Variants in MARCHF1 observed in about 807,000 individuals in gnomAD.
The protein encoded by MARCHF1 is E3 ubiquitin-protein ligase MARCHF1.
In MARCHF1, 40 loss-of-function variants were observed where a neutral mutation model predicts 54.2. The ratio of observed to expected loss-of-function variants is 0.74; its 90% CI spans 0.57 to 0.96. MARCHF1 has a LOEUF of 0.96. MARCHF1 is among the 40% of genes least tolerant of loss of function. The pLI, the probability that MARCHF1 is intolerant of heterozygous loss-of-function variation, is 0.00. For missense variants in MARCHF1, 586 were observed against 656.5 expected, an observed-to-expected ratio of 0.89 and a Z score of 1.17; for synonymous variants, 236 against 236.3, an observed-to-expected ratio of 1.00 and a Z score of 0.01.
chr4:163,665,906 G>A (rs1743516473), intron 5 of MARCHF1, among the ~76,000 whole-genome samples: 2 of 152,076 alleles, frequency 1.3e-5, no homozygotes, highest in Admixed American at 1.3e-4. Context: ...AGAGTTTTTG[G>A]ATGAATGCTG....
chr4:164,133,338 A>T (rs919572), intron 1 of MARCHF1, among the ~76,000 whole-genome samples: 126,974 of 152,158 alleles, frequency 0.83, 53,432 homozygotes, highest in Non-Finnish European at 0.89. Context: ...TTACTGCGCA[A>T]TGAATCCATG....
At chr4:163,663,670 T>C (rs573378943) in intron 5 of MARCHF1, among the ~76,000 whole-genome samples, 1 of 152,182 alleles carries the variant, frequency 6.6e-6, no homozygotes, top group South Asian at 2.1e-4. Flanking sequence ...AGGCCACGTC[T>C]CTCCTGGCGC....
At chr4:163,897,986 G>A (rs182266876) in intron 3 of MARCHF1, among the ~76,000 whole-genome samples, 2,794 of 149,090 alleles carry the variant, frequency 0.019, 82 homozygotes, top group African/African-American at 0.064. Context: ...GCACGAACCC[G>A]GGAGGCGGAG....
At chr4:163,917,327 C>A (rs1458556993) in intron 3 of MARCHF1, among the ~76,000 whole-genome samples, 2 of 152,132 alleles carry the variant, frequency 1.3e-5, no homozygotes, top group Non-Finnish European at 2.9e-5. Context: ...GTTAAACTCT[C>A]TTCCAACACA....
chr4:164,241,123 T>C (rs1732731554), intron 1 of MARCHF1, among the ~76,000 whole-genome samples: 2 of 152,028 alleles, frequency 1.3e-5, no homozygotes, highest in Non-Finnish European at 2.9e-5. Flanking sequence ...CCATGAATCG[T>C]ACCAAGGAAC....
intron 3 of MARCHF1, among the ~76,000 whole-genome samples, chr4:163,889,155 G>A (rs1337458727): frequency 6.6e-6 from 1 of 152,134 alleles, no homozygotes; most frequent in African/African-American, 2.4e-5. Context: ...GACCACAGTA[G>A]TTTATCACAT....
chr4:163,933,019 T>G, intron 3 of MARCHF1: 3 of 1,260,914 alleles, frequency 2.4e-6, no homozygotes, highest in Non-Finnish European at 3.4e-6. Context: ...CCAATCTGCC[T>G]GGGGCTTGCG....
intron 4 of MARCHF1, among the ~76,000 whole-genome samples, chr4:163,725,665 T>C (rs1400373656): frequency 2.0e-5 from 3 of 152,296 alleles, no homozygotes; most frequent in Non-Finnish European, 2.9e-5. Flanking sequence ...TAAGACAGTA[T>C]AGAACAGCAT....
chr4:163,960,456 T>C (rs932689531), intron 3 of MARCHF1, among the ~76,000 whole-genome samples: 1 of 151,958 alleles, frequency 6.6e-6, no homozygotes, highest in Non-Finnish European at 1.5e-5. Flanking sequence ...ACATTTACAT[T>C]ACGGAATACT....
At chr4:163,930,484 T>TG (rs1751647818) in intron 3 of MARCHF1, among the ~76,000 whole-genome samples, 1 of 151,462 alleles carries the variant, frequency 6.6e-6, no homozygotes, top group Admixed American at 6.6e-5. Flanking sequence ...TGGTGTTTTT[T>TG]TTTTTTTTTT....
At chr4:164,219,011 A>G (rs1159540472) in intron 1 of MARCHF1, among the ~76,000 whole-genome samples, 2 of 152,142 alleles carry the variant, frequency 1.3e-5, no homozygotes, top group Non-Finnish European at 2.9e-5. Flanking sequence ...CTGTTACTAC[A>G]ACAATTACTT....
chr4:163,526,428 C>T lies in MARCHF1; in HGVS notation c.*2320G>A, dbSNP rs181561888. On this transcript the variant is annotated 3_prime_UTR_variant, in exon 10 of 10. Transcript: ENST00000514618. ...TTGCTGGTGTCTGGATGTTTTTCCCCGGGAATATCTGTAAGCAGCATGTTG... is the reference window on the plus strand; with the variant it reads ...TTGCTGGTGTCTGGATGTTTTTCCCTGGGAATATCTGTAAGCAGCATGTTG... 1.3e-4 allele frequency: 19 copies of T among 151,982 alleles called. No individual in the cohort carries two copies. The South Asian group carries it at 1.7e-3, about 13-fold the overall frequency. The allele number at this position is 151,982 out of a possible 1,614,324, so 9.4% of individuals were successfully genotyped here.
intron 1 of MARCHF1, among the ~76,000 whole-genome samples, chr4:164,309,740 C>T (rs765170805): frequency 2.6e-4 from 40 of 152,104 alleles, no homozygotes; most frequent in Non-Finnish European, 7.4e-5. Context: ...TAGAATAAGA[C>T]ATTTTAATCT....
chr4:163,657,516 A>G (rs946808971), intron 5 of MARCHF1, among the ~76,000 whole-genome samples: 6 of 152,106 alleles, frequency 3.9e-5, no homozygotes, highest in African/African-American at 1.4e-4. Context: ...TGCTATTCCC[A>G]TTAAACTACC....
chr4:164,362,141 G>C (rs1174208732), intron 1 of MARCHF1, among the ~76,000 whole-genome samples: 2 of 152,054 alleles, frequency 1.3e-5, no homozygotes, highest in South Asian at 4.1e-4. Context: ...TGTAGTAAGT[G>C]AACAAATAAA....
At chr4:163,723,689 AT>A (rs1461948277) in intron 4 of MARCHF1, among the ~76,000 whole-genome samples, 1 of 152,124 alleles carries the variant, frequency 6.6e-6, no homozygotes, top group Non-Finnish European at 1.5e-5. Flanking sequence ...GTCTTTTCAC[AT>A]AGTCCCATAT....
At chr4:164,238,539 T>C (rs1027405339) in intron 1 of MARCHF1, among the ~76,000 whole-genome samples, 8 of 151,988 alleles carry the variant, frequency 5.3e-5, no homozygotes, top group Admixed American at 1.3e-4. Context: ...TTAACCTTCC[T>C]TGGAGGGTAG....
intron 1 of MARCHF1, among the ~76,000 whole-genome samples, chr4:164,142,064 G>T (rs907376218): frequency 2.6e-5 from 4 of 152,052 alleles, no homozygotes; most frequent in Non-Finnish European, 4.4e-5. Flanking sequence ...GGTGACAGAC[G>T]GCACCTGGAA....
chr4:163,699,290 T>C (rs1382347575), intron 5 of MARCHF1, among the ~76,000 whole-genome samples: 1 of 151,762 alleles, frequency 6.6e-6, no homozygotes, highest in Non-Finnish European at 1.5e-5. Context: ...AATGTTAGTA[T>C]AGTGGATGGT....
Sources: gnomAD v4.1 joint callset for allele counts (sites outside exome capture counted in the v4.1 genomes callset) on GRCh38, gnomAD v4.1.1 for gene constraint, MANE v1.5 for transcripts, NCBI Gene and HGNC (gene_info 2026-07-23, HGNC 2026-07-21) for gene names.